Variants in MICU1 observed in about 807,000 individuals in gnomAD.
MICU1 encodes the protein mitochondrial calcium uptake 1.
MICU1 carries 45 observed loss-of-function variants against 56.8 expected under a neutral mutation model. That is an observed-to-expected ratio of 0.79 (90% CI 0.62 to 1.02). The LOEUF (loss-of-function observed/expected upper bound fraction) is 1.02. Among genes scored for constraint, MICU1 ranks in the 50% least tolerant of loss-of-function variants. The pLI, the probability that MICU1 is intolerant of heterozygous loss-of-function variation, is 0.00. For missense variants in MICU1, 504 were observed against 587.1 expected (o/e 0.86, Z 1.46); for synonymous variants, 186 against 195.1 (o/e 0.95, Z 0.39).
At position 72,403,074 on chromosome 10, in the gene MICU1, A is replaced by G. The variant is rs182601923; in HGVS notation, c.1180+4855T>C. Among the ~76,000 whole-genome samples, 608 of 152,134 alleles carry G rather than the reference A, an allele frequency of 4.0e-3. 4 individuals carry two copies. The highest frequency in any genetic ancestry group is 7.4e-3 in the Non-Finnish European group (504 of 67,982). On this transcript the variant is annotated intron_variant, in intron 10 of 11. Coordinates refer to ENST00000361114, the MANE Select transcript of MICU1 (RefSeq NM_001195518.2). ...GTTCTTCAGATTTATGGTAAGTGAT[A>G]CTACATAAAAACTTGAGCTGGGGCC...
intron 1 of MICU1, among the ~76,000 whole-genome samples, chr10:72,607,410 G>A (rs541700686): frequency 1.1e-3 from 164 of 151,586 alleles, no homozygotes; most frequent in African/African-American, 3.8e-3. Flanking sequence ...GGAGGCTGAG[G>A]CAGGTGGATC....
At chr10:72,453,465 A>G (rs1429626115) in intron 8 of MICU1, among the ~76,000 whole-genome samples, 1 of 150,088 alleles carries the variant, frequency 6.7e-6, no homozygotes, top group East Asian at 1.9e-4. Flanking sequence ...TCAGTAAACC[A>G]AGCAGTACAA....
chr10:72,399,552 A>C (rs1445841929), intron 10 of MICU1, among the ~76,000 whole-genome samples: 2 of 152,174 alleles, frequency 1.3e-5, no homozygotes, highest in South Asian at 2.1e-4. Flanking sequence ...GAGCTGAGGC[A>C]GGAGAATCAC....
At chr10:72,485,060 T>G (rs962528352) in intron 6 of MICU1, among the ~76,000 whole-genome samples, 1 of 152,126 alleles carries the variant, frequency 6.6e-6, no homozygotes, top group African/African-American at 2.4e-5. Context: ...TATCTGGCCC[T>G]TTAAGAAAAA....
At chr10:72,381,520 T>C (rs1354404886) in intron 10 of MICU1, among the ~76,000 whole-genome samples, 2 of 152,130 alleles carry the variant, frequency 1.3e-5, no homozygotes, top group Admixed American at 6.5e-5. Flanking sequence ...TTAGGAGAAC[T>C]AGCAATTTAA....
chr10:72,514,458 T>A (rs12412460), intron 5 of MICU1, among the ~76,000 whole-genome samples: 1 of 151,834 alleles, frequency 6.6e-6, no homozygotes, highest in East Asian at 1.9e-4. Flanking sequence ...ATCGCATTCT[T>A]CCCCTTCCTC....
intron 1 of MICU1, among the ~76,000 whole-genome samples, chr10:72,600,278 G>C (rs1564956316): frequency 8.1e-6 from 1 of 123,710 alleles, no homozygotes; most frequent in Admixed American, 8.6e-5. Flanking sequence ...GGTGACAAGA[G>C]TGAAACTCCA....
chr10:72,417,336 C>G (rs1312681884), intron 9 of MICU1, among the ~76,000 whole-genome samples: 1 of 151,794 alleles, frequency 6.6e-6, no homozygotes, highest in Non-Finnish European at 1.5e-5. Flanking sequence ...CACCTGTAGC[C>G]CCAGCTACTC....
Position 72,573,307 on chromosome 10 carries a change from C to CAAAAAAAAAAA in MICU1, c.-1-6524_-1-6514dup, listed in dbSNP as rs58866778. ...AAACATAATGAGACCCCCATCACTA[C>CAAAAAAAAAAA]AAAAAAAAAAAAAAAAAAAAAAAAA... is the stretch of plus-strand genomic sequence containing the variant. On this transcript the variant is annotated intron_variant, in intron 1 of 11. Coordinates refer to ENST00000361114, the MANE Select transcript of MICU1 (RefSeq NM_001195518.2). 1.4e-3 allele frequency among the ~76,000 whole-genome samples: 30 copies of CAAAAAAAAAAA among 21,020 alleles called. 2 individuals carry two copies. The highest frequency in any genetic ancestry group is 5.4e-3 in the East Asian group (4 of 746). 13.8% of individuals were successfully genotyped at this position (21,020 alleles called of 152,430 possible). A position where few individuals can be genotyped will look rare whatever the true frequency, so the allele number is the denominator to read the frequency against.
At chr10:72,474,950 C>T (rs943026970) in intron 8 of MICU1, 150 bp downstream of exon 8, 1 of 639,608 alleles carries the variant, frequency 1.6e-6, no homozygotes, top group Non-Finnish European at 2.6e-6. Context: ...CATGTTGTTT[C>T]CTATCTGCTG....
At chr10:72,424,121 C>G (rs1013492684) in intron 8 of MICU1, among the ~76,000 whole-genome samples, 9 of 52,362 alleles carry the variant, frequency 1.7e-4, no homozygotes, top group Non-Finnish European at 5.2e-4. Flanking sequence ...TTCCCCCCCA[C>G]CTTTTTTTTT....
At chr10:72,403,653 G>C (rs1432621860) in intron 10 of MICU1, among the ~76,000 whole-genome samples, 1 of 151,316 alleles carries the variant, frequency 6.6e-6, no homozygotes, top group Non-Finnish European at 1.5e-5. Flanking sequence ...GTGTGTGTGT[G>C]TGTGTGTGTG....
At chr10:72,459,669 G>A (rs1468803400) in intron 8 of MICU1, among the ~76,000 whole-genome samples, 4 of 152,098 alleles carry the variant, frequency 2.6e-5, no homozygotes, top group Non-Finnish European at 5.9e-5. Context: ...GTCCTTGAGT[G>A]AGCTCATCAA....
At chr10:72,426,031 G>T (rs1864335370) in intron 8 of MICU1, among the ~76,000 whole-genome samples, 1 of 151,174 alleles carries the variant, frequency 6.6e-6, no homozygotes, top group Admixed American at 6.6e-5. Flanking sequence ...TTTTTTTGTT[G>T]TTGAGCAACT....
chr10:72,600,001 G>A (rs1411135618), intron 1 of MICU1, among the ~76,000 whole-genome samples: 2 of 152,110 alleles, frequency 1.3e-5, no homozygotes, highest in African/African-American at 4.8e-5. Context: ...GAAAGAAAAA[G>A]AAAGTCATGG....
At chr10:72,447,848 CTGGA>C (rs1865153398) in intron 8 of MICU1, among the ~76,000 whole-genome samples, 1 of 152,034 alleles carries the variant, frequency 6.6e-6, no homozygotes, top group African/African-American at 2.4e-5. Context: ...CTGCTTTTAC[CTGGA>C]TGAACTGAGC....
At position 72,563,634 on chromosome 10, in the gene MICU1, G is replaced by A. The variant is rs145374852; in HGVS notation, c.162-571C>T. Among the ~76,000 whole-genome samples, 327 of 152,302 alleles carry A rather than the reference G, an allele frequency of 2.1e-3. 1 individual carries two copies. Among genetic ancestry groups the A allele is most frequent in the African/African-American group, 7.0e-3 (292 of 41,572 alleles). ...AGTTTCAGTTTTGCAAGATGAAAAC[G>A]TTCTGGAGATCTGTTTCACAATGAT... On this transcript the variant is annotated intron_variant, in intron 2 of 11. Transcript: ENST00000361114.
At chr10:72,625,671 A>G (rs1316526954) in intron 1 of MICU1, among the ~76,000 whole-genome samples, 1 of 152,190 alleles carries the variant, frequency 6.6e-6, no homozygotes, top group Non-Finnish European at 1.5e-5. Context: ...GAGCCAGTCA[A>G]GGCTACCAGA....
intron 1 of MICU1, among the ~76,000 whole-genome samples, chr10:72,607,341 C>CAAA (rs1255480642): frequency 9.6e-6 from 1 of 103,840 alleles, no homozygotes; most frequent in African/African-American, 3.7e-5. Context: ...AACTCTGTTT[C>CAAA]AAAAAAAAAA....
Sources: allele counts gnomAD v4.1 joint callset (sites outside exome capture counted in the v4.1 genomes callset), GRCh38; gene constraint gnomAD v4.1.1; transcripts MANE v1.5; gene names NCBI Gene and HGNC (gene_info 2026-07-23, HGNC 2026-07-21).